HDAC1: variants seen among roughly 807,000 people sequenced by gnomAD.
HDAC1 encodes histone deacetylase 1.
In HDAC1, 18 loss-of-function variants were observed where a neutral mutation model predicts 65.5. The observed-to-expected ratio is 0.27, with a 90% CI of 0.19 to 0.41. The LOEUF (loss-of-function observed/expected upper bound fraction) is 0.41, where lower values mean the gene tolerates loss of function less well. HDAC1 is among the 10% of genes least tolerant of loss of function. The pLI, the probability that HDAC1 is intolerant of heterozygous loss-of-function variation, is 1.00. For missense variants in HDAC1, 373 were observed against 625.2 expected (o/e 0.60, Z 4.30); for synonymous variants, 211 against 227.9 (o/e 0.93, Z 0.67).
At position 32,330,846 on chromosome 1, in the gene HDAC1, G is replaced by T; in HGVS notation, c.917G>T (p.Arg306Leu). 6.2e-7 allele frequency: 1 copy of T among 1,614,146 alleles called. No homozygotes were observed. Among genetic ancestry groups the T allele is most frequent in the Non-Finnish European group, 8.5e-7 (1 of 1,180,012 alleles). The change falls in exon 9 of 14, where the codon CGT (arginine) becomes CTT (leucine). Residue 306 changes from arginine to leucine, a missense_variant. Physicochemically the swap from Arg to Leu is moderately radical, Grantham distance 102. Around this residue, in one of 4 missense-constraint regions of HDAC1, gnomAD observed 105 missense variants for 192.6 expected, o/e 0.55. Transcript: ENST00000373548. This position sits in a 1 kb window ranked among gnomAD's most constrained non-coding sequence, Gnocchi z 4.2. ...LMLGGGGYTI[R>L]NVARCWTYET... ...CTGGGAGGCGGTGGTTACACCATTC[G>T]TAACGTTGCCCGGTGCTGGACATAT... is the stretch of plus-strand genomic sequence containing the variant.
Position 32,333,250 on chromosome 1 carries a change from G to T in HDAC1, c.*206G>T. 5 of 462,924 alleles carry T rather than the reference G, an allele frequency of 1.1e-5. No individual in the cohort carries two copies. Among genetic ancestry groups the T allele is most frequent in the Non-Finnish European group, 1.9e-5 (5 of 261,160 alleles). The allele number at this position is 462,924 out of a possible 1,614,324, so 28.7% of individuals were successfully genotyped here. On this transcript the variant is annotated 3_prime_UTR_variant, in exon 14 of 14. Transcript: ENST00000373548. ...AGCCACCTTGCCACCCATTCTTCCC[G>T]TTCTTAACTTTGAACCATAAAGGGT...
chr1:32,293,901 CAAA>C (rs566733201), intron 1 of HDAC1, among the ~76,000 whole-genome samples: 3 of 116,808 alleles, frequency 2.6e-5, no homozygotes. Flanking sequence ...GACTCCATCT[CAAA>C]AAAAAAAAAA....
In HDAC1 at chr1:32,330,502, G is replaced by T; in HGVS notation, c.730-76G>T. On this transcript the variant is annotated intron_variant, in intron 7 of 13. Transcript: ENST00000373548. The surrounding 1 kb of genome is among the most constrained non-coding windows in gnomAD (Gnocchi z 4.2). Reference sequence around the variant, plus strand: ...GAAAGGTAGGAGTGGGTGGGAAAGTGTTGCACCCAGCCTTTCCACTCCAAA... The same window carrying T: ...GAAAGGTAGGAGTGGGTGGGAAAGTTTTGCACCCAGCCTTTCCACTCCAAA... 1 of 968,476 alleles carries T rather than the reference G, an allele frequency of 1.0e-6. No homozygotes were observed. Among genetic ancestry groups the T allele is most frequent in the Non-Finnish European group, 1.7e-6 (1 of 595,886 alleles). 60.0% of individuals were successfully genotyped at this position (968,476 alleles called of 1,614,324 possible).
chr1:32,322,779 G>A (rs191384560), intron 3 of HDAC1, among the ~76,000 whole-genome samples: 10 of 152,308 alleles, frequency 6.6e-5, no homozygotes, highest in Non-Finnish European at 1.0e-4. Context: ...GTAGCAGTAA[G>A]ACACTGGGCT....
intron 1 of HDAC1, among the ~76,000 whole-genome samples, chr1:32,293,631 C>T (rs1186805352): frequency 3.3e-5 from 5 of 151,390 alleles, no homozygotes; most frequent in Admixed American, 1.3e-4. Context: ...AGGCTGGGCA[C>T]GGTGGCTCAC....
chr1:32,317,507 G>A (rs570497471), intron 3 of HDAC1, among the ~76,000 whole-genome samples: 4 of 152,282 alleles, frequency 2.6e-5, no homozygotes, highest in Admixed American at 2.6e-4. Context: ...ATTAACTTAT[G>A]ACAGCTTATA....
chr1:32,307,793 T>C (rs1640931587), intron 2 of HDAC1, among the ~76,000 whole-genome samples: 1 of 152,180 alleles, frequency 6.6e-6, no homozygotes, highest in Non-Finnish European at 1.5e-5. Context: ...TGCTTTTACT[T>C]TGTAAAAGAG....
chr1:32,298,898 T>C (rs1016727966), intron 1 of HDAC1, among the ~76,000 whole-genome samples: 2 of 152,138 alleles, frequency 1.3e-5, no homozygotes, highest in African/African-American at 4.8e-5. Context: ...CTCAGGAGGC[T>C]GAGGCAGGAG....
At chr1:32,332,566 G>A (rs2148074017) in intron 12 of HDAC1, 135 bp from the exon 13 acceptor site, 3 of 697,672 alleles carry the variant, frequency 4.3e-6, no homozygotes, top group Admixed American at 2.7e-5. Flanking sequence ...CTCACTGGGA[G>A]GACCAGGGAT....
chr1:32,307,642 C>T (rs1373396538), intron 2 of HDAC1, among the ~76,000 whole-genome samples: 1 of 152,140 alleles, frequency 6.6e-6, no homozygotes, highest in Non-Finnish European at 1.5e-5. Flanking sequence ...TTGCTTGTTT[C>T]TGGCATTTTT....
At position 32,302,730 on chromosome 1, in the gene HDAC1, C is replaced by G. The variant is rs1244593195; in HGVS notation, c.159C>G (p.Ile53Met). 8 of 1,459,390 alleles carry G rather than the reference C, an allele frequency of 5.5e-6. No individual in the cohort carries two copies. The highest frequency in any genetic ancestry group is 7.7e-6 in the Non-Finnish European group (8 of 1,038,980). The allele number at this position is 1,459,390 out of a possible 1,614,324, so 90.4% of individuals were successfully genotyped here. A position where few individuals can be genotyped will look rare whatever the true frequency, so the allele number is the denominator to read the frequency against. ...LNYGLYRKME[I>M]YRPHKANAEE... ...ATGGTCTCTACCGAAAAATGGAAAT[C>G]TATGTGAGTTACCAGAGGTGCTACC... The change falls in exon 2 of 14, where the codon ATC (isoleucine) becomes ATG (methionine). Residue 53 changes from isoleucine to methionine, a missense_variant. Transcript: ENST00000373548.
At chr1:32,325,982 G>T (rs1051195080) in intron 4 of HDAC1, among the ~76,000 whole-genome samples, 7 of 151,704 alleles carry the variant, frequency 4.6e-5, no homozygotes, top group Admixed American at 6.6e-5. Flanking sequence ...AGCCGAGATC[G>T]CGCCACTGCA....
At chr1:32,315,992 GA>G (rs892442515) in intron 2 of HDAC1, among the ~76,000 whole-genome samples, 12 of 145,284 alleles carry the variant, frequency 8.3e-5, no homozygotes, top group African/African-American at 3.1e-4. Context: ...AAAAAAAAAC[GA>G]AAAAAAAGGT....
At chr1:32,294,082 CAA>C (rs1158264157) in intron 1 of HDAC1, among the ~76,000 whole-genome samples, 1 of 148,538 alleles carries the variant, frequency 6.7e-6, no homozygotes. Flanking sequence ...AAAAAAAAAA[CAA>C]AAAAATTCAG....
intron 1 of HDAC1, among the ~76,000 whole-genome samples, chr1:32,296,669 A>T (rs905923737): frequency 6.6e-6 from 1 of 152,224 alleles, no homozygotes; most frequent in African/African-American, 2.4e-5. Context: ...GTGAGCCATC[A>T]TGCCCAGCTG....
rs535056920 is a variant in HDAC1 at position 32,315,950 on chromosome 1, G to A, written c.163-715G>A. On this transcript the variant is annotated intron_variant, in intron 2 of 13. Transcript: ENST00000373548. ...ATTGCACTCCAGCCTGGGTGACAGAGTGAGACTCCGCCTCAAAACAAACAA... is the reference window on the plus strand; with the variant it reads ...ATTGCACTCCAGCCTGGGTGACAGAATGAGACTCCGCCTCAAAACAAACAA... Among the ~76,000 whole-genome samples, 23 of 150,202 alleles carry A rather than the reference G, an allele frequency of 1.5e-4. No homozygotes were observed. In the East Asian group the frequency reaches 4.2e-3, roughly 27 times the overall value.
At position 32,332,286 on chromosome 1, in the gene HDAC1, G is replaced by A. The variant is rs763216103; in HGVS notation, c.1372+44G>A. ...GGGACTTGGGTCTCGAGCCTGAGAG[G>A]ATGAATCTATGTAGGGCAGTGGGAG... On this transcript the variant is annotated intron_variant, in intron 12 of 13. Transcript: ENST00000373548. 9.5e-6 allele frequency: 15 copies of A among 1,576,310 alleles called. No homozygotes were observed. In the South Asian group the frequency reaches 1.8e-4, roughly 18 times the overall value.
chr1:32,295,340 G>C (rs1640754286), intron 1 of HDAC1, among the ~76,000 whole-genome samples: 1 of 151,980 alleles, frequency 6.6e-6, no homozygotes, highest in South Asian at 2.1e-4. Context: ...GGTCGACTCT[G>C]CAGTGAGCCA....
At chr1:32,322,632 A>G (rs1231949028) in intron 3 of HDAC1, among the ~76,000 whole-genome samples, 1 of 152,196 alleles carries the variant, frequency 6.6e-6, no homozygotes, top group East Asian at 1.9e-4. Context: ...CTGTGAGTCT[A>G]CAGCCTCCAG....
Sources: allele counts gnomAD v4.1 joint callset (sites outside exome capture counted in the v4.1 genomes callset), GRCh38; gene constraint gnomAD v4.1.1; regional missense constraint gnomAD v4.1.1; non-coding constraint Gnocchi (gnomAD v3.1); transcripts MANE v1.5; gene names NCBI Gene and HGNC (gene_info 2026-07-23, HGNC 2026-07-21).